HDX: variants seen among roughly 807,000 people sequenced by gnomAD.
HDX encodes chromosome X open reading frame 43.
HDX carries 19 observed loss-of-function variants against 45.2 expected under a neutral mutation model. The observed-to-expected ratio is 0.42, with a 90% CI of 0.29 to 0.62. The LOEUF (loss-of-function observed/expected upper bound fraction) is 0.62, where lower values mean the gene tolerates loss of function less well. Among genes scored for constraint, HDX ranks in the 20% least tolerant of loss-of-function variants. The pLI is 0.20. For synonymous variants in HDX, 188 were observed against 172.8 expected, an observed-to-expected ratio of 1.09 and a Z score of -0.69; for missense variants, 532 against 493.9, an observed-to-expected ratio of 1.08 and a Z score of -0.73.
intron 2 of HDX, among the ~76,000 whole-genome samples, chrX:84,485,818 T>C (rs2040778959): frequency 8.9e-6 from 1 of 112,299 alleles, no homozygotes; most frequent in Non-Finnish European, 1.9e-5. Flanking sequence ...TCTTTATTCC[T>C]GGTACTAGTC....
At chrX:84,397,113 T>C (rs1460290741) in intron 5 of HDX, among the ~76,000 whole-genome samples, 2 of 112,088 alleles carry the variant, frequency 1.8e-5, no homozygotes, top group East Asian at 2.8e-4. Context: ...ATCTTCAACA[T>C]GCAGCAACTG....
At position 84,344,287 on chromosome X, in the gene HDX, A is replaced by G. The variant is rs1227219604; in HGVS notation, c.1623T>C (p.Asp541=). ...CTTCAGACAAACAGATGGATACTTC[A>G]TCATTTCTGTCATTATCCTCTCCTA... ...PEVGEDNDRN[D]EVSICLSEGS... is the part of the protein sequence containing the mutation. Residue 541 remains aspartate, a synonymous_variant, in exon 7 of 11, where the codon GAT becomes GAC. Transcript: ENST00000373177. The G allele has an allele frequency of 1.7e-6, 2 of 1,208,276 alleles. No homozygotes were observed. Among genetic ancestry groups the G allele is most frequent in the East Asian group, 5.9e-5 (2 of 33,768 alleles).
chrX:84,440,412 A>G (rs953892265), intron 5 of HDX, 120 bp downstream of exon 5: 1 of 505,290 alleles, frequency 2.0e-6, no homozygotes, highest in African/African-American at 2.4e-5. Flanking sequence ...CTTTGAGACA[A>G]TGTAGTCCTA....
At position 84,319,699 on chromosome X, in the gene HDX, C is replaced by T. The variant is rs1009397737; in HGVS notation, c.*2190G>A. 1 of 111,072 alleles carries T rather than the reference C, an allele frequency of 9.0e-6. No individual in the cohort carries two copies. The highest frequency in any genetic ancestry group is 1.9e-5 in the Non-Finnish European group (1 of 52,506). 9.2% of individuals were successfully genotyped at this position (111,072 alleles called of 1,213,427 possible). A position where few individuals can be genotyped will look rare whatever the true frequency, so the allele number is the denominator to read the frequency against. On this transcript the variant is annotated 3_prime_UTR_variant, in exon 11 of 11. Coordinates refer to ENST00000373177, the MANE Select transcript of HDX (RefSeq NM_001177479.2). ...CTCTCAAAATTGTGGACTAGGAATC[C>T]TTCTAAGAATCACACCTAGCAGAAC...
At chrX:84,480,877 C>T (rs986638554) in intron 2 of HDX, among the ~76,000 whole-genome samples, 1 of 110,873 alleles carries the variant, frequency 9.0e-6, no homozygotes, top group African/African-American at 3.3e-5. Flanking sequence ...GGAAGTATTT[C>T]CTTCATTTAT....
intron 1 of HDX, among the ~76,000 whole-genome samples, chrX:84,490,992 T>C (rs919907537): frequency 6.3e-5 from 7 of 111,405 alleles, no homozygotes; most frequent in African/African-American, 2.3e-4. Flanking sequence ...TGAATTTCAA[T>C]TATTAGAGTA....
chrX:84,417,402 T>C (rs2039139689), intron 5 of HDX, among the ~76,000 whole-genome samples: 1 of 111,580 alleles, frequency 9.0e-6, no homozygotes, highest in African/African-American at 3.3e-5. Context: ...GAGAAATGGG[T>C]AAGAAGAACA....
intron 5 of HDX, among the ~76,000 whole-genome samples, chrX:84,369,380 G>A (rs191532245): frequency 2.7e-5 from 3 of 111,754 alleles, no homozygotes; most frequent in African/African-American, 6.5e-5. Context: ...ATGCATATAG[G>A]CATACAAATA....
chrX:84,349,515 ATG>A (rs1273977316), intron 6 of HDX, among the ~76,000 whole-genome samples: 3 of 94,262 alleles, frequency 3.2e-5, no homozygotes, highest in African/African-American at 7.9e-5. Context: ...ATATGTATAA[ATG>A]TGTGTGTGTA....
At chrX:84,399,257 C>CA (rs1556003320) in intron 5 of HDX, among the ~76,000 whole-genome samples, 32 of 107,687 alleles carry the variant, frequency 3.0e-4, no homozygotes, top group Admixed American at 2.4e-3. Flanking sequence ...AACCCCCCCC[C>CA]AAAAAAACAA....
chrX:84,479,288 G>C (rs927624897), intron 2 of HDX, among the ~76,000 whole-genome samples: 5 of 111,722 alleles, frequency 4.5e-5, no homozygotes, highest in African/African-American at 1.6e-4. Context: ...GACTTCCGTA[G>C]ACTGCCCTAT....
intron 5 of HDX, among the ~76,000 whole-genome samples, chrX:84,415,494 G>A (rs1270980146): frequency 9.0e-6 from 1 of 111,666 alleles, no homozygotes; most frequent in Non-Finnish European, 1.9e-5. Flanking sequence ...AGGGAGTACT[G>A]AACCTGCTCA....
chrX:84,382,169 G>A (rs1771072918), intron 5 of HDX, among the ~76,000 whole-genome samples: 1 of 111,575 alleles, frequency 9.0e-6, no homozygotes, highest in African/African-American at 3.3e-5. Flanking sequence ...CAGCTAAAGT[G>A]GCTTGTATCC....
In HDX at chrX:84,391,207, A is replaced by G. The variant is rs2038433555; in HGVS notation, c.1306-29595T>C. The stretch of plus-strand genomic sequence containing the variant: ...CATATGAATGAGAATGTGATTTTGT[A>G]TTTTTGTGCCTGGCTTATCTCATTT... On this transcript the variant is annotated intron_variant, in intron 5 of 10. Coordinates refer to ENST00000373177, the MANE Select transcript of HDX (RefSeq NM_001177479.2). Among the ~76,000 whole-genome samples, 8 of 111,501 alleles carry G rather than the reference A, an allele frequency of 7.2e-5. No individual in the cohort carries two copies. In the Admixed American group the frequency reaches 7.6e-4, roughly 11 times the overall value.
At chrX:84,324,085 A>G (rs996681993) in intron 10 of HDX, among the ~76,000 whole-genome samples, 2 of 112,009 alleles carry the variant, frequency 1.8e-5, no homozygotes, top group African/African-American at 3.2e-5. Context: ...TGAAAATATT[A>G]CTTTGATTTT....
rs2036544925 is a variant in HDX, at chrX:84,318,710, T to C, written c.*3179A>G. Reference sequence around the variant, plus strand: ...ATGTTGCTGTCTTTGGAGAAATGGCTTCTTTGACATCTTTTGAGGTCTTGG... The same window carrying C: ...ATGTTGCTGTCTTTGGAGAAATGGCCTCTTTGACATCTTTTGAGGTCTTGG... On this transcript the variant is annotated 3_prime_UTR_variant, in exon 11 of 11. Transcript: ENST00000373177. 1 of 111,518 alleles carries C rather than the reference T, an allele frequency of 9.0e-6. No individual in the cohort carries two copies. The highest frequency in any genetic ancestry group is 9.5e-5 in the Admixed American group (1 of 10,503). The allele number at this position is 111,518 out of a possible 1,213,427, so 9.2% of individuals were successfully genotyped here.
intron 5 of HDX, among the ~76,000 whole-genome samples, chrX:84,438,437 T>C (rs934493938): frequency 9.0e-6 from 1 of 110,796 alleles, no homozygotes; most frequent in Non-Finnish European, 1.9e-5. Flanking sequence ...AAAGTGTACA[T>C]GTGCATGAGT....
chrX:84,438,007 G>T (rs1345667824), intron 5 of HDX, among the ~76,000 whole-genome samples: 1 of 110,900 alleles, frequency 9.0e-6, no homozygotes, highest in African/African-American at 3.3e-5. Flanking sequence ...GAGTTGCCAG[G>T]CTCACTTCAT....
chrX:84,434,198 G>A (rs1264499013), intron 5 of HDX, among the ~76,000 whole-genome samples: 1 of 110,095 alleles, frequency 9.1e-6, no homozygotes, highest in Non-Finnish European at 1.9e-5. Context: ...AATCACCGTG[G>A]CCAAGACTTT....
Sources: allele counts gnomAD v4.1 joint callset (sites outside exome capture counted in the v4.1 genomes callset), GRCh38; gene constraint gnomAD v4.1.1; transcripts MANE v1.5; gene names NCBI Gene and HGNC (gene_info 2026-07-23, HGNC 2026-07-21).